Variants in TMEM132B observed in about 807,000 individuals in gnomAD.
TMEM132B encodes the protein transmembrane protein 132B.
TMEM132B carries 18 observed loss-of-function variants against 90.8 expected under a neutral mutation model. That is an observed-to-expected ratio of 0.20 (90% CI 0.14 to 0.29). The LOEUF (loss-of-function observed/expected upper bound fraction) is 0.29, where lower values mean the gene tolerates loss of function less well. Ranked by LOEUF, TMEM132B falls within the 10% of genes least tolerant of loss-of-function variation. The pLI is 1.00. For missense variants in TMEM132B, 1,096 were observed against 1,326.8 expected, an observed-to-expected ratio of 0.83 and a Z score of 2.70; for synonymous variants, 504 against 523.3, an observed-to-expected ratio of 0.96 and a Z score of 0.50.
intron 3 of TMEM132B, among the ~76,000 whole-genome samples, chr12:125,443,930 T>C (rs1335005121): frequency 3.3e-5 from 5 of 151,790 alleles, no homozygotes; most frequent in Non-Finnish European, 5.9e-5. Flanking sequence ...GTGATGAAAG[T>C]GTATTTTTTT....
chr12:125,596,881 C>A (rs1362087961), intron 5 of TMEM132B, among the ~76,000 whole-genome samples: 2 of 152,176 alleles, frequency 1.3e-5, no homozygotes, highest in East Asian at 3.9e-4. Flanking sequence ...CAGTTGTAGG[C>A]AGAGCCCTAG....
In TMEM132B at chr12:125,409,678, TG is replaced by T. The variant is rs1286683357; in HGVS notation, c.960-5851del. Among the ~76,000 whole-genome samples the T allele has an allele frequency of 2.7e-4, 12 of 44,178 alleles. 1 individual carries two copies. Among genetic ancestry groups the T allele is most frequent in the South Asian group, 2.2e-3 (2 of 904 alleles). The allele number at this position is 44,178 out of a possible 152,430, so 29.0% of individuals were successfully genotyped here. A position where few individuals can be genotyped will look rare whatever the true frequency, so the allele number is the denominator to read the frequency against. On this transcript the variant is annotated intron_variant, in intron 2 of 8. Coordinates refer to ENST00000682704, the MANE Select transcript of TMEM132B (RefSeq NM_001366854.1). ...GTGGAGTGGAGTGAGTGGAGTGGAG[TG>T]GAGTGGAGTGGAGGAGTGGAGTGGA...
chr12:125,300,730 A>AG (rs1875799776), intron 1 of TMEM132B, among the ~76,000 whole-genome samples: 1 of 152,172 alleles, frequency 6.6e-6, no homozygotes, highest in African/African-American at 2.4e-5. Flanking sequence ...AGACATAGAG[A>AG]GGTGGAGTAA....
rs1334449720 is a variant in TMEM132B, at chr12:125,209,311, G to A, written c.67+22445G>A. Among the ~76,000 whole-genome samples, 2 of 152,196 alleles carry A rather than the reference G, an allele frequency of 1.3e-5. No individual in the cohort carries two copies. The highest frequency in any genetic ancestry group is 6.5e-5 in the Admixed American group (1 of 15,292). On this transcript the variant is annotated intron_variant, in intron 1 of 8. Coordinates refer to ENST00000682704, the MANE Select transcript of TMEM132B (RefSeq NM_001366854.1). The surrounding 1 kb of genome is among the most constrained non-coding windows in gnomAD (Gnocchi z 4.4). Reference sequence around the variant, plus strand: ...ACATCTCTAAGTGGGGCAGAGGCTCGCGGATGGACCGCCCCAGGGGATGGT... The same window carrying A: ...ACATCTCTAAGTGGGGCAGAGGCTCACGGATGGACCGCCCCAGGGGATGGT...
chr12:125,330,825 T>G (rs1018134195), intron 1 of TMEM132B, among the ~76,000 whole-genome samples: 2 of 152,242 alleles, frequency 1.3e-5, no homozygotes, highest in Non-Finnish European at 2.9e-5. Context: ...AAGGACTGCC[T>G]GAGGCCAGGA....
intron 1 of TMEM132B, among the ~76,000 whole-genome samples, chr12:125,333,093 G>A (rs1296453515): frequency 1.3e-5 from 2 of 152,178 alleles, no homozygotes; most frequent in Non-Finnish European, 2.9e-5. Context: ...TGCGGGAGGC[G>A]CTGTCCCAGG....
chr12:125,277,493 A>T lies in TMEM132B; in HGVS notation c.68-71959A>T, dbSNP rs1209273958. ...GACTCTGTCTCAAAAAAAAAAGATGAAGAGGGAGAACACACACACACACAC... is the reference window on the plus strand; with the variant it reads ...GACTCTGTCTCAAAAAAAAAAGATGTAGAGGGAGAACACACACACACACAC... On this transcript the variant is annotated intron_variant, in intron 1 of 8. Coordinates refer to ENST00000682704, the MANE Select transcript of TMEM132B (RefSeq NM_001366854.1). The surrounding 1 kb of genome is among the most constrained non-coding windows in gnomAD (Gnocchi z 4.3). 7.1e-6 allele frequency among the ~76,000 whole-genome samples: 1 copy of T among 141,018 alleles called. No homozygotes were observed. Among genetic ancestry groups the T allele is most frequent in the Non-Finnish European group, 1.5e-5 (1 of 66,160 alleles). 92.5% of individuals were successfully genotyped at this position (141,018 alleles called of 152,430 possible).
At chr12:125,310,493 G>A (rs1260882668) in intron 1 of TMEM132B, among the ~76,000 whole-genome samples, 1 of 152,154 alleles carries the variant, frequency 6.6e-6, no homozygotes, top group African/African-American at 2.4e-5. Context: ...TAAGCTCCAG[G>A]GTTCACACAG....
chr12:125,632,887 C>T (rs1381999638), intron 5 of TMEM132B, among the ~76,000 whole-genome samples: 1 of 151,906 alleles, frequency 6.6e-6, no homozygotes. Flanking sequence ...TGGGTTAAAT[C>T]TTCTTGGTGT....
At chr12:125,281,982 T>G (rs4765243) in intron 1 of TMEM132B, among the ~76,000 whole-genome samples, 23,434 of 131,118 alleles carry the variant, frequency 0.18, 2,520 homozygotes, top group African/African-American at 0.32. Context: ...GAGCCGAGAT[T>G]GCGCCATTGC....
intron 5 of TMEM132B, among the ~76,000 whole-genome samples, chr12:125,622,786 CAA>C (rs1363481529): frequency 1.3e-5 from 2 of 152,118 alleles, no homozygotes. Context: ...TCCCTTTTCT[CAA>C]AGTCTCAGAG....
intron 5 of TMEM132B, among the ~76,000 whole-genome samples, chr12:125,611,605 T>C (rs1466923675): frequency 6.6e-6 from 1 of 152,086 alleles, no homozygotes; most frequent in African/African-American, 2.4e-5. Flanking sequence ...GTGTACTGTG[T>C]CTTCATTTTC....
intron 3 of TMEM132B, among the ~76,000 whole-genome samples, chr12:125,468,093 A>G (rs1881615630): frequency 6.6e-6 from 1 of 152,046 alleles, no homozygotes; most frequent in Non-Finnish European, 1.5e-5. Flanking sequence ...TTCTGTGTAG[A>G]TGTATTCTTT....
chr12:125,589,033 A>G (rs1024145498), intron 5 of TMEM132B, among the ~76,000 whole-genome samples: 4 of 152,216 alleles, frequency 2.6e-5, no homozygotes, highest in African/African-American at 9.6e-5. Flanking sequence ...ATATTTATAT[A>G]CATATGCACA....
At chr12:125,558,753 A>G (rs1286691171) in intron 4 of TMEM132B, among the ~76,000 whole-genome samples, 6 of 152,196 alleles carry the variant, frequency 3.9e-5, no homozygotes, top group African/African-American at 7.2e-5. Context: ...TAATCAATTG[A>G]TGTATTAATT....
At chr12:125,446,700 C>T (rs780211329) in intron 3 of TMEM132B, among the ~76,000 whole-genome samples, 7 of 152,200 alleles carry the variant, frequency 4.6e-5, no homozygotes, top group African/African-American at 1.4e-4. Flanking sequence ...TTTGTCCTCT[C>T]CAGTTCAAGT....
intron 5 of TMEM132B, among the ~76,000 whole-genome samples, chr12:125,594,968 C>T (rs1463231243): frequency 6.6e-6 from 1 of 152,060 alleles, no homozygotes; most frequent in East Asian, 1.9e-4. Context: ...CAGGAAATGT[C>T]AGCTAGAAGA....
rs747347319 is a variant in TMEM132B at position 125,519,456 on chromosome 12, A to T, written c.1124A>T (p.Tyr375Phe). The change falls in exon 4 of 9, where the codon TAT (tyrosine) becomes TTT (phenylalanine). Residue 375 changes from tyrosine to phenylalanine, a missense_variant. Physicochemically the swap from Tyr to Phe is conservative, Grantham distance 22. Coordinates refer to ENST00000682704, the MANE Select transcript of TMEM132B (RefSeq NM_001366854.1). ...TTTTCCAGGGTAAATGGATCCTTCT[A>T]TGAGATCTTGCAAGTGGACTTTGGA... ...DTQSRVNGSF[Y>F]EILQVDFGID... 1.2e-6 allele frequency: 2 copies of T among 1,612,170 alleles called. No individual in the cohort carries two copies. The highest frequency in any genetic ancestry group is 2.2e-5 in the South Asian group (2 of 90,808).
chr12:125,416,384 A>G (rs1271268212), intron 3 of TMEM132B, among the ~76,000 whole-genome samples: 1 of 152,174 alleles, frequency 6.6e-6, no homozygotes, highest in Middle Eastern at 3.2e-3. Context: ...CCTGCTTTAA[A>G]ACCTCTGGCT....
Sources: gnomAD v4.1 joint callset for allele counts (sites outside exome capture counted in the v4.1 genomes callset) on GRCh38, gnomAD v4.1.1 for gene constraint, Gnocchi (gnomAD v3.1) non-coding constraint, MANE v1.5 for transcripts, NCBI Gene and HGNC (gene_info 2026-07-23, HGNC 2026-07-21) for gene names.